The following SNX24 variants were observed in gnomAD, a reference collection of about 807,000 sequenced individuals.
SNX24 encodes sorting nexin 24.
A neutral mutation model predicts 28.7 loss-of-function variants in SNX24; 22 were observed. The observed-to-expected ratio is 0.77, with a 90% CI of 0.55 to 1.10. The LOEUF (loss-of-function observed/expected upper bound fraction) is 1.10. SNX24 is among the 50% of genes least tolerant of loss of function. The pLI is 0.00. For missense variants in SNX24, 221 were observed against 201.1 expected, an observed-to-expected ratio of 1.10 and a Z score of -0.60; for synonymous variants, 69 against 71.5, an observed-to-expected ratio of 0.96 and a Z score of 0.18.
chr5:122,848,951 C>T (rs983479577), intron 1 of SNX24, among the ~76,000 whole-genome samples: 19 of 152,078 alleles, frequency 1.2e-4, no homozygotes, highest in African/African-American at 4.6e-4. Context: ...AATTTATAGA[C>T]ATCTTTCAAT....
intron 3 of SNX24, among the ~76,000 whole-genome samples, chr5:122,971,739 TAAG>T (rs1022918121): frequency 1.8e-4 from 28 of 152,342 alleles, no homozygotes; most frequent in African/African-American, 6.5e-4. Context: ...CTGTTAAAAA[TAAG>T]GAGGAAATGT....
chr5:123,006,035 ATGAAAT>A (rs1762412540), intron 6 of SNX24, among the ~76,000 whole-genome samples: 1 of 152,220 alleles, frequency 6.6e-6, no homozygotes, highest in Non-Finnish European at 1.5e-5. Context: ...AGATACTATT[ATGAAAT>A]CCATTTCACA....
At chr5:123,021,889 C>T (rs1581869765) in intron 5 of SNX24, among the ~76,000 whole-genome samples, 1 of 152,188 alleles carries the variant, frequency 6.6e-6, no homozygotes, top group East Asian at 1.9e-4. Flanking sequence ...CTCTTCCTTC[C>T]TCCTGGAAGG....
At chr5:122,879,484 CCT>C in intron 1 of SNX24, among the ~76,000 whole-genome samples, 1 of 152,188 alleles carries the variant, frequency 6.6e-6, no homozygotes, top group East Asian at 1.9e-4. Flanking sequence ...TTGTGGTTGC[CCT>C]GTCCTTAAGT....
At chr5:123,011,436 T>C (rs2150184114), downstream of SNX24, among the ~76,000 whole-genome samples, 1 of 152,308 alleles carries the variant, frequency 6.6e-6, no homozygotes, top group East Asian at 1.9e-4. Context: ...ACAACCCCAA[T>C]ATCACCATGA....
chr5:122,984,418 A>C (rs781368334), intron 3 of SNX24, among the ~76,000 whole-genome samples: 12 of 152,180 alleles, frequency 7.9e-5, no homozygotes, highest in Non-Finnish European at 1.6e-4. Flanking sequence ...GCTCCTAAAA[A>C]ATGAGAGCAT....
chr5:122,847,500 C>CCCTTTTTT (rs1561496352), intron 1 of SNX24, among the ~76,000 whole-genome samples: 1 of 36,974 alleles, frequency 2.7e-5, no homozygotes, highest in Admixed American at 3.1e-4. Context: ...ATCTCTCTCT[C>CCCTTTTTT]TCTTTTTTTT....
chr5:123,014,332 G>GTTT, intron 5 of SNX24, among the ~76,000 whole-genome samples: 1 of 97,424 alleles, frequency 1.0e-5, no homozygotes, highest in African/African-American at 4.1e-5. Flanking sequence ...GTGCCCAGCT[G>GTTT]ATTTTTTTTT....
chr5:123,004,075 T>A (rs1486770754), intron 6 of SNX24, among the ~76,000 whole-genome samples: 4 of 152,246 alleles, frequency 2.6e-5, no homozygotes, highest in African/African-American at 9.6e-5. Context: ...AAGGTTATTA[T>A]TCCAGAGGAT....
At chr5:122,881,788 TTATC>T (rs1300703258) in intron 1 of SNX24, among the ~76,000 whole-genome samples, 3 of 150,332 alleles carry the variant, frequency 2.0e-5, no homozygotes, top group Non-Finnish European at 4.4e-5. Flanking sequence ...ATAAGTATCT[TTATC>T]TATACTTCTA....
intron 1 of SNX24, among the ~76,000 whole-genome samples, chr5:122,906,940 T>G (rs1291159085): frequency 6.6e-6 from 1 of 152,208 alleles, no homozygotes; most frequent in Admixed American, 6.5e-5. Flanking sequence ...TCATGCAGCT[T>G]ACTCTGCTTG....
chr5:122,889,062 C>T (rs1011780818), intron 1 of SNX24, among the ~76,000 whole-genome samples: 4 of 152,032 alleles, frequency 2.6e-5, no homozygotes, highest in Non-Finnish European at 5.9e-5. Context: ...CATGTTGGCC[C>T]AGCTAGTCTC....
intron 1 of SNX24, among the ~76,000 whole-genome samples, chr5:122,933,581 G>A (rs958266466): frequency 5.3e-5 from 8 of 152,132 alleles, no homozygotes; most frequent in East Asian, 1.9e-4. Flanking sequence ...ATTTCCCGAT[G>A]TCCAATGTCT....
rs375259583 is a variant in SNX24, at chr5:122,917,206, G to A, written c.61-19528G>A. 5.3e-5 allele frequency among the ~76,000 whole-genome samples: 8 copies of A among 150,240 alleles called. No individual in the cohort carries two copies. The South Asian group carries it at 6.3e-4, about 12-fold the overall frequency. ...CGGGAGGTGGAGGTTGCAGTGAGCC[G>A]AGATTGTGCCACTGCACTCCAGCCT... is the stretch of plus-strand genomic sequence containing the variant. On this transcript the variant is annotated intron_variant, in intron 1 of 6. Transcript: ENST00000261369.
chr5:122,989,611 T>C (rs1418977400), intron 3 of SNX24, among the ~76,000 whole-genome samples: 5 of 152,186 alleles, frequency 3.3e-5, no homozygotes, highest in African/African-American at 1.2e-4. Flanking sequence ...TATTGCTCTT[T>C]GTTATTTTTA....
At chr5:123,016,991 GT>G (rs957894137) in intron 5 of SNX24, among the ~76,000 whole-genome samples, 3 of 115,660 alleles carry the variant, frequency 2.6e-5, no homozygotes, top group Non-Finnish European at 3.8e-5. Flanking sequence ...ATGAGCCTAG[GT>G]TTTTCCCACC....
chr5:122,859,368 C>G (rs1160009391), intron 1 of SNX24, among the ~76,000 whole-genome samples: 1 of 152,034 alleles, frequency 6.6e-6, no homozygotes, highest in Admixed American at 6.6e-5. Context: ...CTTTGGAAGG[C>G]CAAGGTGGGA....
chr5:122,884,958 G>A (rs1195456029), intron 1 of SNX24, among the ~76,000 whole-genome samples: 5 of 152,244 alleles, frequency 3.3e-5, no homozygotes, highest in Non-Finnish European at 5.9e-5. Context: ...AAATTGGCAC[G>A]TGTATTCTTA....
At chr5:122,996,197 G>A (rs1204029395) in intron 3 of SNX24, among the ~76,000 whole-genome samples, 5 of 152,184 alleles carry the variant, frequency 3.3e-5, no homozygotes, top group Non-Finnish European at 7.3e-5. Flanking sequence ...TAGCAAGGCA[G>A]CATACCCTCC....
Sources: allele counts gnomAD v4.1 joint callset (sites outside exome capture counted in the v4.1 genomes callset), GRCh38; gene constraint gnomAD v4.1.1; transcripts MANE v1.5; gene names NCBI Gene and HGNC (gene_info 2026-07-23, HGNC 2026-07-21).